NEK11: variants seen among roughly 807,000 people sequenced by gnomAD.
NEK11 encodes serine/threonine-protein kinase Nek11.
Under a neutral mutation model 80.7 loss-of-function variants are expected in NEK11, and 72 were observed. The ratio of observed to expected loss-of-function variants is 0.89; its 90% CI spans 0.74 to 1.08. The LOEUF (loss-of-function observed/expected upper bound fraction) is 1.08, where lower values mean the gene tolerates loss of function less well. NEK11 is among the 50% of genes least tolerant of loss of function. The pLI is 0.00. For synonymous variants in NEK11, 251 were observed against 260.7 expected (o/e 0.96, Z 0.36); for missense variants, 764 against 763.6 (o/e 1.00, Z -0.01).
chr3:131,102,749 C>T (rs565432074), intron 4 of NEK11, among the ~76,000 whole-genome samples: 32 of 152,300 alleles, frequency 2.1e-4, no homozygotes, highest in Admixed American at 5.9e-4. Flanking sequence ...TTTTCATGGA[C>T]TATATCCTCA....
At chr3:131,057,419 G>A (rs1331789400) in intron 3 of NEK11, among the ~76,000 whole-genome samples, 1 of 151,894 alleles carries the variant, frequency 6.6e-6, no homozygotes, top group Non-Finnish European at 1.5e-5. Context: ...GGGATGGCTG[G>A]GTCAAATGGT....
At chr3:131,170,598 A>G (rs528776083) in intron 13 of NEK11, among the ~76,000 whole-genome samples, 175 bp from the exon 14 acceptor site, 2 of 152,332 alleles carry the variant, frequency 1.3e-5, no homozygotes, top group African/African-American at 4.8e-5. Flanking sequence ...TGTCTCATTG[A>G]TTCAGGGCTG....
At chr3:131,142,387 C>G (rs1412153823) in intron 7 of NEK11, among the ~76,000 whole-genome samples, 2 of 152,154 alleles carry the variant, frequency 1.3e-5, no homozygotes, top group Non-Finnish European at 2.9e-5. Flanking sequence ...ATAGGTAGGT[C>G]TTCTATTAAC....
At chr3:131,304,084 T>A (rs2096695520) in intron 17 of NEK11, among the ~76,000 whole-genome samples, 1 of 152,260 alleles carries the variant, frequency 6.6e-6, no homozygotes, top group Admixed American at 6.5e-5. Context: ...TTTACATAAT[T>A]CCATATTTTT....
chr3:131,170,869 T>C lies in NEK11; in HGVS notation c.1381T>C (p.Ser461Pro). 1 of 1,612,188 alleles carries C rather than the reference T, an allele frequency of 6.2e-7. No homozygotes were observed. Among genetic ancestry groups the C allele is most frequent in the Non-Finnish European group, 8.5e-7 (1 of 1,178,266 alleles). Residue 461 changes from serine (S) to proline (P), a missense_variant, in exon 14 of 18, where the codon TCT becomes CCT. By Grantham distance (74) the Ser-to-Pro change is moderately conservative. Transcript: ENST00000383366. ...ELESIVEDAT[S>P]DLGYHEIPED... ...TGAATCAATTGTAGAGGATGCCACA[T>C]CTGACCTTGGATACCATGGTATGTG...
intron 14 of NEK11, among the ~76,000 whole-genome samples, chr3:131,179,361 A>G (rs1049164863): frequency 4.6e-5 from 7 of 152,216 alleles, no homozygotes; most frequent in Non-Finnish European, 8.8e-5. Context: ...ACTTGTACTG[A>G]CAGTTTCCTA....
intron 3 of NEK11, among the ~76,000 whole-genome samples, chr3:131,044,100 A>G (rs2066959555): frequency 6.6e-6 from 1 of 152,200 alleles, no homozygotes; most frequent in African/African-American, 2.4e-5. Flanking sequence ...TGAAGGAAGC[A>G]CTAAATATGG....
intron 14 of NEK11, among the ~76,000 whole-genome samples, chr3:131,173,509 A>G (rs1475623062): frequency 1.3e-5 from 2 of 151,388 alleles, no homozygotes; most frequent in Admixed American, 1.3e-4. Flanking sequence ...ATGAGAAGCC[A>G]AAGACATTAA....
At chr3:131,120,004 A>G (rs2149454358) in intron 5 of NEK11, among the ~76,000 whole-genome samples, 1 of 152,256 alleles carries the variant, frequency 6.6e-6, no homozygotes, top group East Asian at 1.9e-4. Flanking sequence ...GTTATGTGTG[A>G]ATTTGATCCT....
chr3:131,051,393 C>T (rs943091399), intron 3 of NEK11, among the ~76,000 whole-genome samples: 2 of 152,074 alleles, frequency 1.3e-5, no homozygotes, highest in South Asian at 4.1e-4. Context: ...AGTCCTGGGA[C>T]CCTGGGGTTA....
chr3:131,097,533 C>G (rs1273369600), intron 4 of NEK11, among the ~76,000 whole-genome samples: 1 of 152,224 alleles, frequency 6.6e-6, no homozygotes, highest in East Asian at 1.9e-4. Flanking sequence ...TAAATGTCTT[C>G]TTTTGAGAAG....
intron 16 of NEK11, 27 bp from the exon 17 acceptor site, chr3:131,273,451 C>A (rs200865198): frequency 4.4e-5 from 70 of 1,580,822 alleles, no homozygotes; most frequent in Non-Finnish European, 2.2e-5. Context: ...CTGATGAAGT[C>A]AATAAGGGCT....
intron 17 of NEK11, among the ~76,000 whole-genome samples, chr3:131,274,041 C>G (rs1389502093): frequency 6.6e-6 from 1 of 151,280 alleles, no homozygotes; most frequent in Non-Finnish European, 1.5e-5. Context: ...ATGTGCCATG[C>G]TGGTGCGCTG....
intron 16 of NEK11, among the ~76,000 whole-genome samples, chr3:131,259,573 C>A (rs1180328018): frequency 1.3e-5 from 2 of 151,996 alleles, no homozygotes; most frequent in African/African-American, 4.8e-5. Context: ...ACCCTGTGGA[C>A]AGAAGGAGAA....
intron 17 of NEK11, among the ~76,000 whole-genome samples, chr3:131,310,575 T>TTTTAC (rs1201191985): frequency 1.3e-5 from 2 of 152,196 alleles, no homozygotes. Flanking sequence ...TGTTTCTTAC[T>TTTTAC]TTTACTTTAT....
At chr3:131,113,859 C>T (rs866297519) in intron 5 of NEK11, among the ~76,000 whole-genome samples, 3 of 147,558 alleles carry the variant, frequency 2.0e-5, no homozygotes, top group African/African-American at 5.0e-5. Flanking sequence ...TGCAGTGAGC[C>T]GAGATTGCAC....
At chr3:131,322,327 G>A (rs1039229194) in intron 17 of NEK11, among the ~76,000 whole-genome samples, 6 of 152,136 alleles carry the variant, frequency 3.9e-5, no homozygotes, top group Non-Finnish European at 8.8e-5. Context: ...TTGAAAAACT[G>A]TTGAGTACTA....
At chr3:131,114,803 G>A (rs116696348) in intron 5 of NEK11, among the ~76,000 whole-genome samples, 2,010 of 152,184 alleles carry the variant, frequency 0.013, 40 homozygotes, top group African/African-American at 0.045. Context: ...TGTCTACAAA[G>A]CATTATTCTA....
At chr3:131,335,042 A>G (rs2097158709) in intron 17 of NEK11, among the ~76,000 whole-genome samples, 1 of 152,204 alleles carries the variant, frequency 6.6e-6, no homozygotes, top group African/African-American at 2.4e-5. Context: ...CCAGAGGTAC[A>G]AGGAGGAACT....
Sources: allele counts gnomAD v4.1 joint callset (sites outside exome capture counted in the v4.1 genomes callset), GRCh38; gene constraint gnomAD v4.1.1; transcripts MANE v1.5; gene names NCBI Gene and HGNC (gene_info 2026-07-23, HGNC 2026-07-21).